The following NLGN4X variants were observed in gnomAD, a reference collection of about 807,000 sequenced individuals.
NLGN4X encodes neuroligin 4 X-linked, also known as neuroligin-4, X-linked.
NLGN4X carries 3 observed loss-of-function variants against 40.3 expected under a neutral mutation model. The ratio of observed to expected loss-of-function variants is 0.07; its 90% CI spans 0.03 to 0.19. The LOEUF is 0.19. NLGN4X is among the 10% of genes least tolerant of loss of function. The pLI is 1.00. For missense variants in NLGN4X, 382 were observed against 708.3 expected (o/e 0.54, Z 5.23); for synonymous variants, 270 against 306.8 (o/e 0.88, Z 1.25).
rs973477670 is a variant in NLGN4X, at chrX:5,991,529, G to A, written c.625+37751C>T. On this transcript the variant is annotated intron_variant, in intron 3 of 5. Transcript: ENST00000381095. The stretch of plus-strand genomic sequence containing the variant: ...TGAGCCAGTGTGTTTTCTGCTGAGT[G>A]AGATGGAAATAGGACAGGTGAGGGC... 5 of 517,177 alleles carry A rather than the reference G, an allele frequency of 9.7e-6. No individual in the cohort carries two copies. In the East Asian group the frequency reaches 1.8e-4, roughly 19 times the overall value. The allele number at this position is 517,177 out of a possible 1,213,427, so 42.6% of individuals were successfully genotyped here. A position where few individuals can be genotyped will look rare whatever the true frequency, so the allele number is the denominator to read the frequency against.
chrX:6,117,806 T>C (rs1440859930), intron 2 of NLGN4X, among the ~76,000 whole-genome samples: 1 of 112,140 alleles, frequency 8.9e-6, no homozygotes, highest in African/African-American at 3.2e-5. Context: ...GGATGTGCAA[T>C]GCCACATCTG....
intron 1 of NLGN4X, among the ~76,000 whole-genome samples, chrX:6,220,266 G>C (rs1437880022): frequency 2.7e-5 from 3 of 111,661 alleles, no homozygotes; most frequent in Non-Finnish European, 5.6e-5. Flanking sequence ...CTTAAAAATA[G>C]ACAACATTAC....
intron 4 of NLGN4X, among the ~76,000 whole-genome samples, chrX:5,904,682 G>T (rs2032082268): frequency 8.9e-6 from 1 of 112,127 alleles, no homozygotes; most frequent in Non-Finnish European, 1.9e-5. Context: ...ATGTCCAGAA[G>T]TATAAAATCT....
chrX:6,055,237 C>A (rs753813880), intron 2 of NLGN4X, among the ~76,000 whole-genome samples: 16 of 112,134 alleles, frequency 1.4e-4, no homozygotes, highest in Non-Finnish European at 2.4e-4. Flanking sequence ...GCTCACACTT[C>A]TAATCCTGGC....
intron 4 of NLGN4X, among the ~76,000 whole-genome samples, chrX:5,908,218 A>G: frequency 9.2e-6 from 1 of 108,923 alleles, no homozygotes; most frequent in Non-Finnish European, 1.9e-5. Context: ...GGGAAGAGCA[A>G]GGGAGGGAGG....
intron 2 of NLGN4X, among the ~76,000 whole-genome samples, chrX:6,095,383 C>G (rs1238709847): frequency 9.0e-6 from 1 of 111,713 alleles, no homozygotes; most frequent in Non-Finnish European, 1.9e-5. Context: ...AACTCATAAG[C>G]TGCACTTCAA....
intron 3 of NLGN4X, among the ~76,000 whole-genome samples, chrX:5,999,005 T>C (rs5961915): frequency 0.29 from 31,675 of 110,798 alleles, 3,877 homozygotes; most frequent in African/African-American, 0.47. Flanking sequence ...TAGAAAGCAC[T>C]GCACCTCTCT....
intron 1 of NLGN4X, among the ~76,000 whole-genome samples, chrX:6,219,773 C>A (rs973653589): frequency 9.0e-6 from 1 of 110,865 alleles, no homozygotes; most frequent in African/African-American, 3.3e-5. Flanking sequence ...TATAGAATAA[C>A]AGATCAAATA....
intron 5 of NLGN4X, among the ~76,000 whole-genome samples, chrX:5,894,226 G>A (rs965637611): frequency 3.6e-5 from 4 of 112,324 alleles, no homozygotes; most frequent in African/African-American, 1.3e-4. Flanking sequence ...CAGTACTGAG[G>A]TTGAGAAATT....
At chrX:6,176,661 G>C (rs1214529947) in intron 1 of NLGN4X, among the ~76,000 whole-genome samples, 2 of 112,132 alleles carry the variant, frequency 1.8e-5, no homozygotes, top group African/African-American at 6.5e-5. Flanking sequence ...GGCATTGAAG[G>C]TGCAGAAAGG....
chrX:5,954,391 CTTTTTTTTTTT>C (rs764108500), intron 3 of NLGN4X, among the ~76,000 whole-genome samples: 3 of 55,868 alleles, frequency 5.4e-5, no homozygotes, highest in African/African-American at 7.0e-5. Context: ...GCTTGGCTAA[CTTTTTTTTTTT>C]TTTTTTTTTT....
At chrX:5,901,345 C>A (rs1156229941) in intron 5 of NLGN4X, among the ~76,000 whole-genome samples, 3 of 111,981 alleles carry the variant, frequency 2.7e-5, no homozygotes, top group African/African-American at 9.8e-5. Context: ...ATTTACCCTC[C>A]CTGGGCGACA....
chrX:5,975,163 G>A (rs184114585), intron 3 of NLGN4X, among the ~76,000 whole-genome samples: 281 of 112,151 alleles, frequency 2.5e-3, no homozygotes, highest in African/African-American at 8.6e-3. Flanking sequence ...ATGGTTGACC[G>A]TAGATAACTG....
At position 6,056,381 on chromosome X, in the gene NLGN4X, CAGG is replaced by C. The variant is rs758122241; in HGVS notation, c.473-26952_473-26950del. Among the ~76,000 whole-genome samples, 549 of 109,989 alleles carry C rather than the reference CAGG, an allele frequency of 5.0e-3. 5 individuals are homozygous for C. The highest frequency in any genetic ancestry group is 0.018 in the African/African-American group (529 of 30,098). ...GTCCCAGCTACTCGGAAGGCTGAGG[CAGG>C]AGAACTGTTTGAACCTGGGAGGCGG... On this transcript the variant is annotated intron_variant, in intron 2 of 5. Transcript: ENST00000381095.
intron 2 of NLGN4X, among the ~76,000 whole-genome samples, chrX:6,111,329 T>C (rs1356379403): frequency 9.0e-6 from 1 of 111,397 alleles, no homozygotes; most frequent in Non-Finnish European, 1.9e-5. Flanking sequence ...TTCCACCTTG[T>C]CCCTTCCAAC....
chrX:6,173,256 G>T (rs771906289), intron 1 of NLGN4X, among the ~76,000 whole-genome samples: 1 of 112,180 alleles, frequency 8.9e-6, no homozygotes, highest in African/African-American at 3.2e-5. Context: ...AAAAAAATTT[G>T]TGTTGTTGGG....
intron 2 of NLGN4X, among the ~76,000 whole-genome samples, chrX:6,084,489 G>A (rs1269168945): frequency 5.4e-5 from 6 of 111,215 alleles, no homozygotes; most frequent in South Asian, 3.8e-4. Flanking sequence ...AGAGTTATAC[G>A]AACAAATGAA....
At chrX:6,169,271 T>C (rs2040557326) in intron 1 of NLGN4X, among the ~76,000 whole-genome samples, 1 of 112,941 alleles carries the variant, frequency 8.9e-6, no homozygotes, top group Non-Finnish European at 1.9e-5. Context: ...CAAAAGCCAA[T>C]GCTTTTAAGC....
At chrX:5,906,632 C>T (rs2032199386) in intron 4 of NLGN4X, among the ~76,000 whole-genome samples, 1 of 111,145 alleles carries the variant, frequency 9.0e-6, no homozygotes, top group African/African-American at 3.3e-5. Flanking sequence ...CACCTCAGCC[C>T]CCCAAGTAAC....
Sources: gnomAD v4.1 joint callset for allele counts (sites outside exome capture counted in the v4.1 genomes callset) on GRCh38, gnomAD v4.1.1 for gene constraint, MANE v1.5 for transcripts, NCBI Gene and HGNC (gene_info 2026-07-23, HGNC 2026-07-21) for gene names.